The following ZNF282 variants were observed in gnomAD, a reference collection of about 807,000 sequenced individuals.
ZNF282 encodes the protein zinc finger protein 282, also known as HTLV-I U5 repressive element-binding protein 1.
Under a neutral mutation model 61.9 loss-of-function variants are expected in ZNF282, and 30 were observed. The observed-to-expected ratio is 0.48, with a 90% CI of 0.36 to 0.66. The LOEUF (loss-of-function observed/expected upper bound fraction) is 0.66, where lower values mean the gene tolerates loss of function less well. Ranked by LOEUF, ZNF282 falls within the 30% of genes least tolerant of loss-of-function variation. The probability of loss-of-function intolerance (pLI) is 0.00; values close to 1 mark genes in which losing one functional copy is unlikely to be tolerated. For missense variants in ZNF282, 788 were observed against 941.4 expected (o/e 0.84, Z 2.13); for synonymous variants, 396 against 405.0 (o/e 0.98, Z 0.27).
At chr7:149,201,647 G>A (rs1009090459) in intron 2 of ZNF282, among the ~76,000 whole-genome samples, 4 of 152,146 alleles carry the variant, frequency 2.6e-5, no homozygotes, top group African/African-American at 9.7e-5. Context: ...AGCTACTCAG[G>A]AGGCTGAGGC....
chr7:149,223,022 GC>G (rs1796281643), intron 7 of ZNF282, among the ~76,000 whole-genome samples: 1 of 144,626 alleles, frequency 6.9e-6, no homozygotes, highest in Non-Finnish European at 1.5e-5. Context: ...GGATGCCTGG[GC>G]CAGTGCAATG....
intron 2 of ZNF282, among the ~76,000 whole-genome samples, chr7:149,201,998 G>T (rs1317331874): frequency 6.6e-6 from 1 of 151,958 alleles, no homozygotes; most frequent in East Asian, 1.9e-4. Context: ...TTCCATCAGG[G>T]TCTGCTGAGG....
intron 4 of ZNF282, 62 bp downstream of exon 4, chr7:149,207,532 C>G (rs7784122): frequency 7.8e-6 from 12 of 1,544,118 alleles, no homozygotes; most frequent in Non-Finnish European, 1.0e-5. Flanking sequence ...GCCGGCTTTC[C>G]GCACACTGCT....
chr7:149,210,624 A>C lies in ZNF282; in HGVS notation c.872A>C (p.Gln291Pro). The C allele has an allele frequency of 6.2e-7, 1 of 1,612,496 alleles. No individual in the cohort carries two copies. ...PLVPAQDASS[Q>P]VKREDTLCVR... ...GTGCCTGCGCAGGATGCGTCCTCCC[A>C]GGTGAAGCGTGAGGACACCCTGTGT... The change falls in exon 5 of 8, where the codon CAG becomes CCG. Residue 291 changes from glutamine (Q) to proline (P), a missense_variant. By Grantham distance (76) the Gln-to-Pro change is moderately conservative. Around this residue, in one of 3 missense-constraint regions of ZNF282, gnomAD observed 559 missense variants for 642.0 expected, o/e 0.87. Transcript: ENST00000610704.
intron 4 of ZNF282, among the ~76,000 whole-genome samples, chr7:149,209,524 G>T (rs555382337): frequency 6.6e-6 from 1 of 152,296 alleles, no homozygotes; most frequent in East Asian, 1.9e-4. Flanking sequence ...GTCTTATGGG[G>T]TAGATTTTTA....
intron 1 of ZNF282, among the ~76,000 whole-genome samples, chr7:149,196,465 G>A (rs1795818510): frequency 6.6e-6 from 1 of 152,110 alleles, no homozygotes; most frequent in Non-Finnish European, 1.5e-5. Context: ...GGGCAGAACC[G>A]GTGCTCCAGA....
intron 7 of ZNF282, among the ~76,000 whole-genome samples, chr7:149,214,837 A>G (rs1043692154): frequency 6.6e-6 from 1 of 152,102 alleles, no homozygotes; most frequent in Non-Finnish European, 1.5e-5. Flanking sequence ...TCTCAAAAAA[A>G]CCTGAAAGAA....
Position 149,198,519 on chromosome 7 carries a change from C to T in ZNF282, c.352C>T (p.Gln118Ter). The T allele has an allele frequency of 6.2e-7, 1 of 1,614,132 alleles. No individual in the cohort carries two copies. Among genetic ancestry groups the T allele is most frequent in the Non-Finnish European group, 8.5e-7 (1 of 1,180,022 alleles). The change falls in exon 2 of 8, where the codon CAG becomes TAG. Residue 118 changes from glutamine to a stop codon, truncating the protein, a stop_gained. Transcript: ENST00000610704. LOFTEE classifies it high-confidence loss of function. This position sits in a 1 kb window ranked among gnomAD's most constrained non-coding sequence, Gnocchi z 4.3. ...GAGGAAGGTGGATGCCCAGGCCAGC[C>T]AGCTGCTGAACCTGGAGGGGCGCAC... is the stretch of plus-strand genomic sequence containing the variant. Reference protein sequence around the residue: ...VERKVDAQASQLLNLEGRTGT... With the variant: ...VERKVDAQAS
intron 4 of ZNF282, among the ~76,000 whole-genome samples, chr7:149,210,067 C>T (rs929080979): frequency 6.6e-6 from 1 of 152,206 alleles, no homozygotes; most frequent in Non-Finnish European, 1.5e-5. Flanking sequence ...TCTGCACTAT[C>T]TGTCCAACAA....
Position 149,205,802 on chromosome 7 carries a change from C to T in ZNF282, c.586-894C>T, listed in dbSNP as rs142949226. Among the ~76,000 whole-genome samples, 559 of 152,192 alleles carry T rather than the reference C, an allele frequency of 3.7e-3. 3 individuals are homozygous for T. Among genetic ancestry groups the T allele is most frequent in the African/African-American group, 0.01 (423 of 41,502 alleles). On this transcript the variant is annotated intron_variant, in intron 2 of 7. Coordinates refer to ENST00000610704, the MANE Select transcript of ZNF282 (RefSeq NM_003575.4). The stretch of plus-strand genomic sequence containing the variant: ...AGCTTTGGCCCTGTAAATGCAGATA[C>T]GTAGATGAATGGACTGTAATCACAG...
intron 7 of ZNF282, among the ~76,000 whole-genome samples, chr7:149,216,176 G>T (rs1330542557): frequency 6.6e-6 from 1 of 152,166 alleles, no homozygotes; most frequent in Non-Finnish European, 1.5e-5. Flanking sequence ...CTGGCTCACT[G>T]CAGCCTCCAT....
chr7:149,214,515 G>A (rs1026713194), intron 7 of ZNF282, among the ~76,000 whole-genome samples: 1 of 152,096 alleles, frequency 6.6e-6, no homozygotes, highest in African/African-American at 2.4e-5. Context: ...GTTGACAGCA[G>A]CAGGTGGCTC....
At chr7:149,207,207 A>T in intron 3 of ZNF282, 144 bp from the exon 4 acceptor site, 2 of 1,003,520 alleles carry the variant, frequency 2.0e-6, no homozygotes, top group Non-Finnish European at 2.7e-6. Flanking sequence ...TTTTCAGATT[A>T]CCCGCCTAAC....
rs1004726495 is a variant in ZNF282, at chr7:149,224,087, G to A, written c.1456G>A (p.Ala486Thr). The A allele has an allele frequency of 3.1e-6, 4 of 1,293,906 alleles. No homozygotes were observed. Among genetic ancestry groups the A allele is most frequent in the Admixed American group, 4.0e-5 (1 of 25,064 alleles). 80.2% of individuals were successfully genotyped at this position (1,293,906 alleles called of 1,614,324 possible). Residue 486 changes from alanine (A) to threonine (T), a missense_variant, in exon 8 of 8, where the codon GCG (alanine) becomes ACG (threonine). Transcript: ENST00000610704. ...CGATGGGGGCGGTGGGGGCGGCGGC[G>A]CGGAGGCGGGGACGGGGGCAGGCGG... ...GGDGGGGGGG[A>T]EAGTGAGGGC...
At position 149,223,840 on chromosome 7, in the gene ZNF282, AC is replaced by A; in HGVS notation, c.1214del (p.Pro405ArgfsTer162). 6 of 1,398,576 alleles carry A rather than the reference AC, an allele frequency of 4.3e-6. No individual in the cohort carries two copies. The highest frequency in any genetic ancestry group is 3.0e-5 in the East Asian group (1 of 32,978). The allele number at this position is 1,398,576 out of a possible 1,614,324, so 86.6% of individuals were successfully genotyped here. A position where few individuals can be genotyped will look rare whatever the true frequency, so the allele number is the denominator to read the frequency against. On this transcript the variant is annotated frameshift_variant, in exon 8 of 8. Coordinates refer to ENST00000610704, the MANE Select transcript of ZNF282 (RefSeq NM_003575.4). LOFTEE classifies it low-confidence loss of function (END_TRUNC). The stretch of plus-strand genomic sequence containing the variant: ...ACAGCCTGCTGATGGTGAAGAACCC[AC>A]CCCCGGCCCCGCCACAGCCCCAGCC... Reference protein sequence around the residue: ...SDSLLMVKNPPPAPPQPQPQP... With the variant: ...SDSLLMVKNPXPAPPQPQPQP...
At position 149,224,046 on chromosome 7, in the gene ZNF282, C is replaced by G; in HGVS notation, c.1415C>G (p.Thr472Ser). 4.3e-6 allele frequency: 5 copies of G among 1,174,312 alleles called. No individual in the cohort carries two copies. The South Asian group carries it at 1.6e-4, about 38-fold the overall frequency. The allele number at this position is 1,174,312 out of a possible 1,614,324, so 72.7% of individuals were successfully genotyped here. The stretch of plus-strand genomic sequence containing the variant: ...GCGCCGCCGGGTGGGGACCGCAGCA[C>G]CGGGGGCGGCGGGGGCGATGGGGGC... Reference protein sequence around the residue: ...GEAPPGGDRSTGGGGGDGGGG... With the variant: ...GEAPPGGDRSSGGGGGDGGGG... The change falls in exon 8 of 8, where the codon ACC becomes AGC. Residue 472 changes from threonine (T) to serine (S), a missense_variant. By Grantham distance (58) the Thr-to-Ser change is moderately conservative. Coordinates refer to ENST00000610704, the MANE Select transcript of ZNF282 (RefSeq NM_003575.4).
rs768021401 is a variant in ZNF282 at position 149,224,233 on chromosome 7, C to T, written c.1602C>T (p.Ile534=). The change falls in exon 8 of 8, where the codon ATC becomes ATT. Residue 534 remains isoleucine, a synonymous_variant. Coordinates refer to ENST00000610704, the MANE Select transcript of ZNF282 (RefSeq NM_003575.4). ...GCTTCGGCGTGCGCAAGAGCCTCAT[C>T]ATCCACCACCGCAGCCACACCAAGG... The part of the protein sequence containing the change: ...GKSFGVRKSL[I]IHHRSHTKER... 1 of 1,611,000 alleles carries T rather than the reference C, an allele frequency of 6.2e-7. No homozygotes were observed. The highest frequency in any genetic ancestry group is 8.5e-7 in the Non-Finnish European group (1 of 1,179,650).
At position 149,206,740 on chromosome 7, in the gene ZNF282, C is replaced by T. The variant is rs774348626; in HGVS notation, c.630C>T (p.Asp210=). ...FVDIAVYFSE[D]EWKNLDEWQK... The stretch of plus-strand genomic sequence containing the variant: ...ACATTGCTGTGTACTTCTCCGAAGA[C>T]GAGTGGAAGAACTTGGACGAATGGC... The change falls in exon 3 of 8, where the codon GAC becomes GAT. Residue 210 remains aspartate (D), a synonymous_variant. Transcript: ENST00000610704. 59 of 1,613,990 alleles carry T rather than the reference C, an allele frequency of 3.7e-5. No homozygotes were observed. The highest frequency in any genetic ancestry group is 5.5e-5 in the South Asian group (5 of 91,086).
At chr7:149,196,532 G>C (rs761506337) in intron 1 of ZNF282, among the ~76,000 whole-genome samples, 1 of 152,164 alleles carries the variant, frequency 6.6e-6, no homozygotes, top group Non-Finnish European at 1.5e-5. Flanking sequence ...GCTTGCCCAG[G>C]GAAGACTCTC....
Sources: gnomAD v4.1 joint callset for allele counts (sites outside exome capture counted in the v4.1 genomes callset) on GRCh38, gnomAD v4.1.1 for gene constraint, gnomAD v4.1.1 regional missense constraint, Gnocchi (gnomAD v3.1) non-coding constraint, MANE v1.5 for transcripts, NCBI Gene and HGNC (gene_info 2026-07-23, HGNC 2026-07-21) for gene names.